RASAL2: variants seen among roughly 807,000 people sequenced by gnomAD.
RASAL2 encodes the protein ras GTPase-activating protein nGAP.
Under a neutral mutation model 128.9 loss-of-function variants are expected in RASAL2, and 58 were observed. The observed-to-expected ratio is 0.45, with a 90% CI of 0.36 to 0.56. The LOEUF is 0.56. RASAL2 is among the 20% of genes least tolerant of loss of function. The probability of loss-of-function intolerance (pLI) is 0.00; values close to 1 mark genes in which losing one functional copy is unlikely to be tolerated. For missense variants in RASAL2, 1,360 were observed against 1,601.6 expected (o/e 0.85, Z 2.57); for synonymous variants, 561 against 580.8 (o/e 0.97, Z 0.49).
intron 3 of RASAL2, among the ~76,000 whole-genome samples, chr1:178,336,337 T>G (rs1669584185): frequency 6.6e-6 from 1 of 152,092 alleles, no homozygotes; most frequent in Non-Finnish European, 1.5e-5. Flanking sequence ...CATATGTATG[T>G]CTTTGTATCA....
At chr1:178,430,237 T>TA (rs2102790956) in intron 5 of RASAL2, among the ~76,000 whole-genome samples, 1 of 152,208 alleles carries the variant, frequency 6.6e-6, no homozygotes, top group East Asian at 1.9e-4. Context: ...TCTCAGAAAT[T>TA]ACTGGACTCC....
Position 178,477,137 on chromosome 1 carries a change from TTC to T in RASAL2, c.*3901_*3902del, listed in dbSNP as rs67341814. The T allele has an allele frequency of 0.1, 15,711 of 152,394 alleles. 853 individuals are homozygous for T. The highest frequency in any genetic ancestry group is 0.15 in the Middle Eastern group (44 of 294). 9.4% of individuals were successfully genotyped at this position (152,394 alleles called of 1,614,324 possible). The stretch of plus-strand genomic sequence containing the variant: ...TTCAGCTACACCTTTGGAGGCCACC[TTC>T]TCCTATCAACTGTGGAAAGCCAGAA... On this transcript the variant is annotated 3_prime_UTR_variant, in exon 18 of 18. Coordinates refer to ENST00000367649, the MANE Select transcript of RASAL2 (RefSeq NM_170692.4).
chr1:178,277,794 G>A (rs555782622), intron 1 of RASAL2, among the ~76,000 whole-genome samples: 3 of 152,074 alleles, frequency 2.0e-5, no homozygotes, highest in Admixed American at 2.0e-4. Context: ...CTTTTTTTAG[G>A]TTGGCACTAA....
intron 1 of RASAL2, among the ~76,000 whole-genome samples, chr1:178,240,395 G>A (rs1180473740): frequency 6.6e-6 from 1 of 151,852 alleles, no homozygotes; most frequent in East Asian, 1.9e-4. Flanking sequence ...AGATGTTAGT[G>A]TTTATTGTAT....
In RASAL2 at chr1:178,248,166, G is replaced by A. The variant is rs1664865369; in HGVS notation, c.203-35398G>A. On this transcript the variant is annotated intron_variant, in intron 1 of 17. Coordinates refer to ENST00000367649, the MANE Select transcript of RASAL2 (RefSeq NM_170692.4). ...GTTGATCTGCTTAATATTGACAGTG[G>A]GGTGTTAAAATCTCCAACTATTATT... is the stretch of plus-strand genomic sequence containing the variant. Among the ~76,000 whole-genome samples, 3 of 152,030 alleles carry A rather than the reference G, an allele frequency of 2.0e-5. No homozygotes were observed. In the South Asian group the frequency reaches 6.2e-4, roughly 32 times the overall value.
At chr1:178,334,542 C>A (rs1041216125) in intron 3 of RASAL2, among the ~76,000 whole-genome samples, 4 of 151,936 alleles carry the variant, frequency 2.6e-5, no homozygotes, top group African/African-American at 9.7e-5. Context: ...AGGGGTTCAC[C>A]ATGTTGGCCA....
intron 1 of RASAL2, among the ~76,000 whole-genome samples, chr1:178,218,092 A>G (rs1423042262): frequency 6.6e-6 from 1 of 152,134 alleles, no homozygotes; most frequent in African/African-American, 2.4e-5. Context: ...AAATTCAGTC[A>G]CATCTTCAGG....
chr1:178,132,561 A>G (rs150076498), intron 1 of RASAL2, among the ~76,000 whole-genome samples: 1 of 152,164 alleles, frequency 6.6e-6, no homozygotes, highest in Non-Finnish European at 1.5e-5. Flanking sequence ...CAAAGTAGTT[A>G]TTAGGTTGGT....
chr1:178,161,870 G>C (rs1661312323), intron 1 of RASAL2, among the ~76,000 whole-genome samples: 1 of 151,990 alleles, frequency 6.6e-6, no homozygotes, highest in Non-Finnish European at 1.5e-5. Context: ...GAGACACTGT[G>C]TGTCTTCTTT....
chr1:178,309,522 G>C (rs146640675), intron 3 of RASAL2, among the ~76,000 whole-genome samples: 1 of 152,208 alleles, frequency 6.6e-6, no homozygotes, highest in Admixed American at 6.6e-5. Flanking sequence ...AAAACCATGA[G>C]TGACTATATA....
At chr1:178,320,477 G>A (rs1278983150) in intron 3 of RASAL2, among the ~76,000 whole-genome samples, 2 of 152,260 alleles carry the variant, frequency 1.3e-5, no homozygotes, top group Non-Finnish European at 2.9e-5. Context: ...CGAGCCAGGT[G>A]TGGGATATAG....
chr1:178,216,336 A>G (rs1385078440), intron 1 of RASAL2, among the ~76,000 whole-genome samples: 4 of 152,246 alleles, frequency 2.6e-5, no homozygotes, highest in East Asian at 1.9e-4. Context: ...TTCATAAGCC[A>G]GAGAAGAAAT....
Position 178,365,429 on chromosome 1 carries a change from C to CTGTTATGTTATGTTA in RASAL2, c.458-24624_458-24610dup, listed in dbSNP as rs71567192. Among the ~76,000 whole-genome samples, 665 of 141,604 alleles carry CTGTTATGTTATGTTA rather than the reference C, an allele frequency of 4.7e-3. 4 individuals carry two copies. The highest frequency in any genetic ancestry group is 6.5e-3 in the South Asian group (27 of 4,150). The allele number at this position is 141,604 out of a possible 152,430, so 92.9% of individuals were successfully genotyped here. A position where few individuals can be genotyped will look rare whatever the true frequency, so the allele number is the denominator to read the frequency against. Reference sequence around the variant, plus strand: ...ATCATGGTATCTATCCTCTAGTTGCCTGTTATGTTATGTTATGTTATGTTA... The same window carrying CTGTTATGTTATGTTA: ...ATCATGGTATCTATCCTCTAGTTGCCTGTTATGTTATGTTATGTTATGTTATGTTATGTTATGTTA... On this transcript the variant is annotated intron_variant, in intron 3 of 17. Coordinates refer to ENST00000367649, the MANE Select transcript of RASAL2 (RefSeq NM_170692.4).
At chr1:178,121,884 G>A (rs922993713) in intron 1 of RASAL2, among the ~76,000 whole-genome samples, 7 of 152,026 alleles carry the variant, frequency 4.6e-5, no homozygotes, top group African/African-American at 1.7e-4. Flanking sequence ...ATAACAAATA[G>A]AAAAAAACCT....
chr1:178,442,125 C>T (rs1030228460), intron 7 of RASAL2, among the ~76,000 whole-genome samples: 6 of 152,130 alleles, frequency 3.9e-5, no homozygotes, highest in African/African-American at 1.4e-4. Flanking sequence ...ATGATCCAAA[C>T]ACCTCCCACC....
chr1:178,154,153 T>A lies in RASAL2; in HGVS notation c.202+59459T>A, dbSNP rs559190827. Among the ~76,000 whole-genome samples the A allele has an allele frequency of 7.9e-5, 12 of 151,754 alleles. No homozygotes were observed. The South Asian group carries it at 2.5e-3, about 32-fold the overall frequency. On this transcript the variant is annotated intron_variant, in intron 1 of 17. Coordinates refer to ENST00000367649, the MANE Select transcript of RASAL2 (RefSeq NM_170692.4). Reference sequence around the variant, plus strand: ...GCATGGCCTGATTGATTTTTTTTTTTTTTTTATTAAAGAGATGGGGTCTTG... The same window carrying A: ...GCATGGCCTGATTGATTTTTTTTTTATTTTTATTAAAGAGATGGGGTCTTG...
At chr1:178,243,602 CAAA>C (rs3041601) in intron 1 of RASAL2, among the ~76,000 whole-genome samples, 2 of 121,868 alleles carry the variant, frequency 1.6e-5, no homozygotes, top group Admixed American at 8.5e-5. Flanking sequence ...TTGTTGTTAT[CAAA>C]AAAAAAAAAA....
intron 3 of RASAL2, among the ~76,000 whole-genome samples, chr1:178,389,773 C>G (rs1433191851): frequency 6.6e-6 from 1 of 152,096 alleles, no homozygotes; most frequent in Non-Finnish European, 1.5e-5. Context: ...ACATTGCTGA[C>G]ATGTAGAGAA....
At chr1:178,388,472 A>G (rs1672710743) in intron 3 of RASAL2, among the ~76,000 whole-genome samples, 1 of 152,204 alleles carries the variant, frequency 6.6e-6, no homozygotes, top group Non-Finnish European at 1.5e-5. Flanking sequence ...GAGAGAAGTT[A>G]AGGGACTTAC....
Sources: gnomAD v4.1 joint callset for allele counts (sites outside exome capture counted in the v4.1 genomes callset) on GRCh38, gnomAD v4.1.1 for gene constraint, MANE v1.5 for transcripts, NCBI Gene and HGNC (gene_info 2026-07-23, HGNC 2026-07-21) for gene names.